Variants in NOS1 observed in about 807,000 individuals in gnomAD.
NOS1 encodes NOS type I.
A neutral mutation model predicts 164.5 loss-of-function variants in NOS1; 51 were observed. The observed-to-expected ratio is 0.31, with a 90% CI of 0.25 to 0.39. The LOEUF is 0.39. NOS1 is among the 10% of genes least tolerant of loss of function. NOS1 has a pLI of 1.00. For missense variants in NOS1, 1,362 were observed against 1,885.6 expected (o/e 0.72, Z 5.14); for synonymous variants, 719 against 745.8 (o/e 0.96, Z 0.59).
At chr12:117,247,235 G>T (rs1210504903) in intron 18 of NOS1, 113 bp downstream of exon 18, 2 of 849,146 alleles carry the variant, frequency 2.4e-6, no homozygotes, top group East Asian at 2.7e-5. Context: ...TGGATACATG[G>T]GAGAGGTACT....
intron 21 of NOS1, among the ~76,000 whole-genome samples, chr12:117,233,034 C>A (rs553951224): frequency 1.1e-5 from 1 of 88,366 alleles, no homozygotes; most frequent in African/African-American, 5.1e-5. Flanking sequence ...TGCCTCACTA[C>A]TTTTTTTTTT....
intron 28 of NOS1, among the ~76,000 whole-genome samples, chr12:117,216,186 T>TTTTTTA (rs1230510300): frequency 2.2e-5 from 3 of 138,378 alleles, no homozygotes; most frequent in African/African-American, 8.8e-5. Context: ...CAAAAGGGAT[T>TTTTTTA]TTTTTTTTTT....
intron 18 of NOS1, among the ~76,000 whole-genome samples, chr12:117,246,526 C>T (rs139049082): frequency 2.0e-5 from 3 of 152,282 alleles, no homozygotes; most frequent in East Asian, 1.9e-4. Flanking sequence ...TGTGGCATGT[C>T]GAACGTCCAC....
intron 20 of NOS1, among the ~76,000 whole-genome samples, chr12:117,242,208 C>T (rs41384051): frequency 2.0e-4 from 30 of 152,178 alleles, no homozygotes; most frequent in African/African-American, 6.7e-4. Flanking sequence ...GGTAATGAAC[C>T]TCCCATCAAC....
chr12:117,258,401 T>C lies in NOS1; in HGVS notation c.2527A>G (p.Arg843Gly), dbSNP rs767426622. 84 of 1,614,052 alleles carry C rather than the reference T, an allele frequency of 5.2e-5. No individual in the cohort carries two copies. Among genetic ancestry groups the C allele is most frequent in the Non-Finnish European group, 6.9e-5 (82 of 1,180,028 alleles). The change falls in exon 16 of 29, where the codon AGG becomes GGG. Residue 843 changes from arginine to glycine, a missense_variant. Transcript: ENST00000317775. Reference protein sequence around the residue: ...MRHPNSVQEERKSYKVRFNSV... With the variant: ...MRHPNSVQEEGKSYKVRFNSV... The stretch of plus-strand genomic sequence containing the variant: ...TCGGAGGGGTCATTCACTTACTTCC[T>C]TTCTTCCTGCACAGAGTTGGGGTGC...
chr12:117,290,559 A>G lies in NOS1; in HGVS notation c.853-133T>C, dbSNP rs1566061356. ...GTGACCAACTGTCTACATCCAGAGT[A>G]AGATCCAGCCCTTCCTGCTTGACAT... On this transcript the variant is annotated intron_variant, in intron 3 of 28. Transcript: ENST00000317775. 3.6e-6 allele frequency: 4 copies of G among 1,111,694 alleles called. No individual in the cohort carries two copies. The East Asian group carries it at 1.1e-4, about 30-fold the overall frequency. The allele number at this position is 1,111,694 out of a possible 1,614,324, so 68.9% of individuals were successfully genotyped here.
At chr12:117,350,981 G>T (rs1030480729) in intron 1 of NOS1, among the ~76,000 whole-genome samples, 1 of 152,212 alleles carries the variant, frequency 6.6e-6, no homozygotes, top group Non-Finnish European at 1.5e-5. Flanking sequence ...GGGCCTGTTG[G>T]CGGGCGCCTG....
At position 117,234,559 on chromosome 12, in the gene NOS1, T is replaced by C. The variant is rs1395897940; in HGVS notation, c.3235+6A>G. 1 of 1,609,672 alleles carries C rather than the reference T, an allele frequency of 6.2e-7. No individual in the cohort carries two copies. Among genetic ancestry groups the C allele is most frequent in the East Asian group, 2.2e-5 (1 of 44,750 alleles). On this transcript the variant is annotated splice_donor_region_variant and intron_variant, in intron 21 of 28. Transcript: ENST00000317775. The surrounding 1 kb of genome is among the most constrained non-coding windows in gnomAD (Gnocchi z 4.3). ...TAGAGCAGGGAAGGGTCCCCGGGAA[T>C]GTTACCTAAAGCCGTGTTCCGCTCC...
At chr12:117,344,223 T>C (rs1160405929) in intron 1 of NOS1, among the ~76,000 whole-genome samples, 1 of 152,238 alleles carries the variant, frequency 6.6e-6, no homozygotes, top group African/African-American at 2.4e-5. Flanking sequence ...ACAGGTCTGC[T>C]TTCATCTGCA....
intron 1 of NOS1, among the ~76,000 whole-genome samples, chr12:117,354,433 G>T (rs1876771321): frequency 6.7e-6 from 1 of 150,014 alleles, no homozygotes; most frequent in Admixed American, 6.6e-5. Flanking sequence ...CGATGCTATT[G>T]ACTGTGTTCA....
At chr12:117,241,756 C>G (rs972990495) in intron 20 of NOS1, among the ~76,000 whole-genome samples, 1 of 152,180 alleles carries the variant, frequency 6.6e-6, no homozygotes. Context: ...AAGAGCAGAA[C>G]GGCCATCAGA....
intron 1 of NOS1, among the ~76,000 whole-genome samples, chr12:117,342,286 C>T (rs899695580): frequency 3.3e-5 from 5 of 152,046 alleles, no homozygotes; most frequent in Non-Finnish European, 7.4e-5. Context: ...GCATCCCTGC[C>T]CTCAAGCTTA....
chr12:117,294,944 A>T (rs1291314547), intron 3 of NOS1, among the ~76,000 whole-genome samples: 2 of 152,154 alleles, frequency 1.3e-5, no homozygotes, highest in Non-Finnish European at 2.9e-5. Context: ...GAAGGAATGA[A>T]AGGAAATGGT....
chr12:117,289,952 C>A (rs528566468), intron 4 of NOS1, among the ~76,000 whole-genome samples: 48 of 152,178 alleles, frequency 3.2e-4, no homozygotes, highest in Non-Finnish European at 5.0e-4. Flanking sequence ...ACTTTCCCCC[C>A]TCCCTGTGTG....
intron 3 of NOS1, among the ~76,000 whole-genome samples, chr12:117,299,690 C>CTCTCTCTCTCT (rs1433257651): frequency 2.0e-5 from 3 of 150,908 alleles, no homozygotes; most frequent in Non-Finnish European, 4.4e-5. Flanking sequence ...GCCTCTCTCT[C>CTCTCTCTCTCT]TCTCTCTCTC....
Position 117,209,113 on chromosome 12 carries a change from AC to A in NOS1, c.*6195del. On this transcript the variant is annotated 3_prime_UTR_variant, in exon 29 of 29. Coordinates refer to ENST00000317775, the MANE Select transcript of NOS1 (RefSeq NM_000620.5). ...ACTTTGGCAGCAGATAATGGAAACA[AC>A]CACTGGGCTAGGCAAAGTTTCTGCT... The A allele has an allele frequency of 1.0e-6, 1 of 985,364 alleles. No individual in the cohort carries two copies. The highest frequency in any genetic ancestry group is 1.2e-6 in the Non-Finnish European group (1 of 829,924). 61.0% of individuals were successfully genotyped at this position (985,364 alleles called of 1,614,324 possible). A position where few individuals can be genotyped will look rare whatever the true frequency, so the allele number is the denominator to read the frequency against.
chr12:117,293,111 C>T (rs967486819), intron 3 of NOS1, among the ~76,000 whole-genome samples: 3 of 152,234 alleles, frequency 2.0e-5, no homozygotes, highest in Non-Finnish European at 4.4e-5. Context: ...TTGCAGCCAG[C>T]GGAATAAGAG....
At position 117,260,451 on chromosome 12, in the gene NOS1, T is replaced by G. The variant is rs765037595; in HGVS notation, c.2367+14A>C. 3 of 1,612,510 alleles carry G rather than the reference T, an allele frequency of 1.9e-6. No individual in the cohort carries two copies. Among genetic ancestry groups the G allele is most frequent in the Non-Finnish European group, 2.5e-6 (3 of 1,178,620 alleles). On this transcript the variant is annotated intron_variant, in intron 14 of 28. Coordinates refer to ENST00000317775, the MANE Select transcript of NOS1 (RefSeq NM_000620.5). ...CATGAGAAGCTGGTGGAGCTAGGGC[T>G]ACCCCCCACCTACCTTGGCATCAAA...
At chr12:117,237,334 G>C (rs1253426726) in intron 20 of NOS1, among the ~76,000 whole-genome samples, 4 of 149,378 alleles carry the variant, frequency 2.7e-5, no homozygotes, top group African/African-American at 1.0e-4. Context: ...GTTTAACCAT[G>C]ATGGCCAGGC....
Sources: gnomAD v4.1 joint callset for allele counts (sites outside exome capture counted in the v4.1 genomes callset) on GRCh38, gnomAD v4.1.1 for gene constraint, Gnocchi (gnomAD v3.1) non-coding constraint, MANE v1.5 for transcripts, NCBI Gene and HGNC (gene_info 2026-07-23, HGNC 2026-07-21) for gene names.